The following CADM2 variants were observed in gnomAD, a reference collection of about 807,000 sequenced individuals.
CADM2 encodes the protein immunoglobulin superfamily member 4D.
Under a neutral mutation model 49.8 loss-of-function variants are expected in CADM2, and 12 were observed. The ratio of observed to expected loss-of-function variants is 0.24; its 90% CI spans 0.15 to 0.39. The LOEUF is 0.39. Among genes scored for constraint, CADM2 ranks in the 10% least tolerant of loss-of-function variants. The pLI, the probability that CADM2 is intolerant of heterozygous loss-of-function variation, is 1.00. For synonymous variants in CADM2, 214 were observed against 175.4 expected (o/e 1.22, Z -1.74); for missense variants, 378 against 492.3 (o/e 0.77, Z 2.20).
intron 8 of CADM2, among the ~76,000 whole-genome samples, chr3:85,986,293 A>C (rs1307235106): frequency 6.6e-6 from 1 of 152,096 alleles, no homozygotes; most frequent in Non-Finnish European, 1.5e-5. Flanking sequence ...AGGGAAAAAA[A>C]TGAATGGAAT....
At chr3:85,927,130 C>T (rs1004253720) in intron 6 of CADM2, among the ~76,000 whole-genome samples, 1 of 152,050 alleles carries the variant, frequency 6.6e-6, no homozygotes, top group Non-Finnish European at 1.5e-5. Flanking sequence ...GTATTATTTA[C>T]CAAGTATTTG....
chr3:85,924,790 T>C (rs1246170467), intron 6 of CADM2, among the ~76,000 whole-genome samples: 1 of 152,112 alleles, frequency 6.6e-6, no homozygotes, highest in African/African-American at 2.4e-5. Flanking sequence ...CAAACATGTC[T>C]TCTTAAATAT....
intron 1 of CADM2, among the ~76,000 whole-genome samples, chr3:85,511,621 T>G (rs1450010775): frequency 5.9e-5 from 9 of 152,088 alleles, no homozygotes; most frequent in Admixed American, 3.3e-4. Flanking sequence ...TGTCTTCAAC[T>G]CAATAAAAAC....
intron 8 of CADM2, among the ~76,000 whole-genome samples, chr3:86,003,240 A>G (rs1484244377): frequency 6.6e-6 from 1 of 152,140 alleles, no homozygotes; most frequent in East Asian, 1.9e-4. Context: ...TGTGAAGAAA[A>G]CTGACTACGT....
At chr3:85,909,974 T>A (rs1299898774) in intron 5 of CADM2, among the ~76,000 whole-genome samples, 1 of 152,206 alleles carries the variant, frequency 6.6e-6, no homozygotes, top group Non-Finnish European at 1.5e-5. Context: ...TTAAGGCTTC[T>A]GGTAACCCTA....
intron 6 of CADM2, among the ~76,000 whole-genome samples, chr3:85,917,270 A>G (rs963613103): frequency 5.9e-5 from 9 of 152,106 alleles, no homozygotes; most frequent in African/African-American, 2.2e-4. Context: ...GGTATTGCCT[A>G]GGTTTTCTTC....
chr3:85,816,535 T>A, intron 3 of CADM2, among the ~76,000 whole-genome samples: 1 of 152,162 alleles, frequency 6.6e-6, no homozygotes, highest in East Asian at 1.9e-4. Context: ...ATGCAGGGTA[T>A]TTTCTTTTAA....
intron 1 of CADM2, among the ~76,000 whole-genome samples, chr3:85,673,084 G>C (rs986399580): frequency 2.0e-5 from 3 of 152,134 alleles, no homozygotes; most frequent in African/African-American, 7.2e-5. Flanking sequence ...AAGAATGTCA[G>C]GTAAATGGAT....
intron 3 of CADM2, among the ~76,000 whole-genome samples, chr3:85,830,171 C>T (rs1488899848): frequency 2.0e-5 from 3 of 151,928 alleles, no homozygotes; most frequent in African/African-American, 7.2e-5. Context: ...TTCACACGCT[C>T]GCCAACACTT....
intron 3 of CADM2, among the ~76,000 whole-genome samples, chr3:85,855,987 A>G (rs759893642): frequency 2.6e-4 from 39 of 152,168 alleles, no homozygotes; most frequent in Non-Finnish European, 3.7e-4. Flanking sequence ...ATGGAAATCA[A>G]TGCAGCATTG....
chr3:85,930,827 A>G (rs1182247296), intron 6 of CADM2, among the ~76,000 whole-genome samples: 1 of 151,648 alleles, frequency 6.6e-6, no homozygotes, highest in Non-Finnish European at 1.5e-5. Context: ...ACATTAAATT[A>G]AATATGAACT....
chr3:85,603,069 T>G (rs186021185), intron 1 of CADM2, among the ~76,000 whole-genome samples: 1 of 151,932 alleles, frequency 6.6e-6, no homozygotes, highest in Admixed American at 6.6e-5. Flanking sequence ...ACTGTGTTCA[T>G]GTCCCTTTCT....
At position 85,072,931 on chromosome 3, in the gene CADM2, A is replaced by T. The variant is rs530273747; in HGVS notation, c.61+113263A>T. On this transcript the variant is annotated intron_variant, in intron 1 of 9. Transcript: ENST00000383699. ...GCAGGACATTTAACCCTTGAAATTAATAAGTATTCTATTGCTATAGATAAC... is the reference window on the plus strand; with the variant it reads ...GCAGGACATTTAACCCTTGAAATTATTAAGTATTCTATTGCTATAGATAAC... Among the ~76,000 whole-genome samples the T allele has an allele frequency of 3.3e-5, 5 of 152,180 alleles. No individual in the cohort carries two copies. The East Asian group carries it at 9.7e-4, about 29-fold the overall frequency.
chr3:85,201,395 A>G (rs376628771), intron 1 of CADM2, among the ~76,000 whole-genome samples: 16 of 152,318 alleles, frequency 1.1e-4, no homozygotes, highest in African/African-American at 3.1e-4. Flanking sequence ...ATTACTAAAA[A>G]TGCTTATGGT....
chr3:85,069,808 T>C (rs928475337), intron 1 of CADM2, among the ~76,000 whole-genome samples: 3 of 152,144 alleles, frequency 2.0e-5, no homozygotes, highest in African/African-American at 7.2e-5. Flanking sequence ...CATACAAATA[T>C]TACCACTGTC....
intron 6 of CADM2, among the ~76,000 whole-genome samples, chr3:85,922,319 G>A (rs1255619044): frequency 1.3e-5 from 2 of 151,146 alleles, no homozygotes; most frequent in African/African-American, 2.4e-5. Context: ...TGATTAATCA[G>A]TATATTAAAC....
intron 1 of CADM2, among the ~76,000 whole-genome samples, chr3:85,639,600 G>A (rs542252179): frequency 2.6e-5 from 4 of 152,154 alleles, no homozygotes; most frequent in South Asian, 4.1e-4. Context: ...CTGCCAATAT[G>A]TGTATAACTT....
chr3:85,452,316 CT>C (rs1265984356), intron 1 of CADM2, among the ~76,000 whole-genome samples: 1 of 152,048 alleles, frequency 6.6e-6, no homozygotes, highest in Non-Finnish European at 1.5e-5. Context: ...TTGCCAAATG[CT>C]TTTGATCTTT....
At chr3:85,129,568 C>A (rs1332888533) in intron 1 of CADM2, among the ~76,000 whole-genome samples, 1 of 152,092 alleles carries the variant, frequency 6.6e-6, no homozygotes, top group Non-Finnish European at 1.5e-5. Flanking sequence ...TTTTTCTGTT[C>A]ACTTCATGTG....
Sources: gnomAD v4.1 joint callset for allele counts (sites outside exome capture counted in the v4.1 genomes callset) on GRCh38, gnomAD v4.1.1 for gene constraint, MANE v1.5 for transcripts, NCBI Gene and HGNC (gene_info 2026-07-23, HGNC 2026-07-21) for gene names.